GNA15: variants seen among roughly 807,000 people sequenced by gnomAD.
GNA15 encodes G protein subunit alpha 15.
Under a neutral mutation model 40.1 loss-of-function variants are expected in GNA15, and 23 were observed. The observed-to-expected ratio is 0.57, with a 90% CI of 0.41 to 0.81. The LOEUF is 0.81. Ranked by LOEUF, GNA15 falls within the 40% of genes least tolerant of loss-of-function variation. GNA15 has a pLI of 0.00. For missense variants in GNA15, 522 were observed against 515.8 expected (o/e 1.01, Z -0.12); for synonymous variants, 226 against 210.4 (o/e 1.07, Z -0.64).
Position 3,155,836 on chromosome 19 carries a change from G to T in GNA15, c.628G>T (p.Gly210Trp). 6.2e-7 allele frequency: 1 copy of T among 1,612,962 alleles called. No individual in the cohort carries two copies. Among genetic ancestry groups the T allele is most frequent in the Non-Finnish European group, 8.5e-7 (1 of 1,179,782 alleles). ...GGTTCCCTGTAGGATCGTGGACGTC[G>T]GGGGCCAGAAGTCAGAGCGTAAGAA... ...QKTNLRIVDV[G>W]GQKSERKKWI... is the part of the protein sequence containing the mutation. Residue 210 changes from glycine to tryptophan, a missense_variant, in exon 5 of 7, where the codon GGG becomes TGG. Gly to Trp is a radical substitution (Grantham distance 184). Coordinates refer to ENST00000262958, the MANE Select transcript of GNA15 (RefSeq NM_002068.4). The surrounding 1 kb of genome is among the most constrained non-coding windows in gnomAD (Gnocchi z 5.6).
In GNA15 at chr19:3,145,359, A is replaced by ATATATATATAT; in HGVS notation, c.146-3231_146-3230insATATATATATT. Among the ~76,000 whole-genome samples, 284 of 46,940 alleles carry ATATATATATAT rather than the reference A, an allele frequency of 6.1e-3. 6 individuals are homozygous for ATATATATATAT. The highest frequency in any genetic ancestry group is 0.016 in the African/African-American group (169 of 10,896). 30.8% of individuals were successfully genotyped at this position (46,940 alleles called of 152,430 possible). ...TAAATATATATATATATATATATAT[A>ATATATATATAT]TTTTTTTTTTTTTGTAGAGATGGGG... is the stretch of plus-strand genomic sequence containing the variant. On this transcript the variant is annotated intron_variant, in intron 1 of 6. Transcript: ENST00000262958.
intron 2 of GNA15, chr19:3,149,871 C>T (rs937446164): frequency 1.2e-5 from 5 of 415,694 alleles, no homozygotes; most frequent in Non-Finnish European, 2.2e-5. Flanking sequence ...CATGCTCCCC[C>T]TGAGCCTGGG....
intron 6 of GNA15, 68 bp from the exon 7 acceptor site, chr19:3,162,725 G>A (rs1400283702): frequency 5.1e-6 from 5 of 988,248 alleles, no homozygotes; most frequent in Admixed American, 3.8e-5. Context: ...ACAGGGAAGA[G>A]GGTCTCCAGA....
intron 1 of GNA15, among the ~76,000 whole-genome samples, chr19:3,144,878 G>A (rs1352312114): frequency 1.2e-4 from 18 of 151,096 alleles, no homozygotes; most frequent in African/African-American, 3.9e-4. Flanking sequence ...ACCCAGGTTG[G>A]AGTGCAGTGG....
At chr19:3,161,855 A>G (rs1352440178) in intron 6 of GNA15, among the ~76,000 whole-genome samples, 1 of 151,964 alleles carries the variant, frequency 6.6e-6, no homozygotes, top group Non-Finnish European at 1.5e-5. Flanking sequence ...CAACATGGCA[A>G]AGCCCCATCT....
Position 3,155,972 on chromosome 19 carries a change from G to C in GNA15, c.744+20G>C, listed in dbSNP as rs751924684. The stretch of plus-strand genomic sequence containing the variant: ...CAGGAGGTGCGCCACCGCCTCCCTC[G>C]CCCTGCCCACTTGTTGGCCCAGGGA... On this transcript the variant is annotated intron_variant, in intron 5 of 6. Transcript: ENST00000262958. The surrounding 1 kb of genome is among the most constrained non-coding windows in gnomAD (Gnocchi z 5.6). 1.2e-6 allele frequency: 2 copies of C among 1,611,220 alleles called. No individual in the cohort carries two copies. The highest frequency in any genetic ancestry group is 1.7e-6 in the Non-Finnish European group (2 of 1,178,138).
Position 3,155,029 on chromosome 19 carries a change from C to G in GNA15, c.615-794C>G, listed in dbSNP as rs1310591970. On this transcript the variant is annotated intron_variant, in intron 4 of 6. Transcript: ENST00000262958. The surrounding 1 kb of genome is among the most constrained non-coding windows in gnomAD (Gnocchi z 5.6). Reference sequence around the variant, plus strand: ...CGACGGCTGCTTACCCTGTCTGGCTCTGGATGTGGGGTTTGAGGGACTCTG... The same window carrying G: ...CGACGGCTGCTTACCCTGTCTGGCTGTGGATGTGGGGTTTGAGGGACTCTG... The G allele has an allele frequency of 2.0e-5, 3 of 152,216 alleles. No individual in the cohort carries two copies. Among genetic ancestry groups the G allele is most frequent in the Non-Finnish European group, 2.9e-5 (2 of 68,066 alleles). 9.4% of individuals were successfully genotyped at this position (152,216 alleles called of 1,614,324 possible). A position where few individuals can be genotyped will look rare whatever the true frequency, so the allele number is the denominator to read the frequency against.
intron 1 of GNA15, chr19:3,142,545 G>A (rs189205824): frequency 1.3e-5 from 2 of 152,326 alleles, no homozygotes; most frequent in Admixed American, 1.3e-4. Context: ...AGATCTGAGA[G>A]TTGGAAGACA....
intron 2 of GNA15, 33 bp from the exon 3 acceptor site, chr19:3,150,098 G>A (rs201778905): frequency 1.9e-6 from 3 of 1,601,702 alleles, no homozygotes; most frequent in Non-Finnish European, 2.6e-6. Context: ...ACTCAGAAAG[G>A]CTACCCTAAC....
intron 6 of GNA15, among the ~76,000 whole-genome samples, chr19:3,159,059 C>G (rs1221775842): frequency 6.6e-6 from 1 of 152,032 alleles, no homozygotes; most frequent in African/African-American, 2.4e-5. Context: ...GAGTCTCGCT[C>G]TGCTGCCCAG....
At chr19:3,156,042 C>G in intron 5 of GNA15, 90 bp downstream of exon 5, 4 of 1,291,216 alleles carry the variant, frequency 3.1e-6, no homozygotes, top group Non-Finnish European at 4.4e-6. Flanking sequence ...GGAGGGATCC[C>G]TGCTCTTGAA....
At chr19:3,158,745 C>T (rs1915084204) in intron 6 of GNA15, among the ~76,000 whole-genome samples, 1 of 152,074 alleles carries the variant, frequency 6.6e-6, no homozygotes, top group Admixed American at 6.5e-5. Context: ...CCTTAGCCTC[C>T]CAAGTAGCTG....
chr19:3,153,589 G>C (rs1012425788), intron 4 of GNA15, among the ~76,000 whole-genome samples: 7 of 151,222 alleles, frequency 4.6e-5, no homozygotes, highest in Non-Finnish European at 7.4e-5. Flanking sequence ...GGGTGAATGA[G>C]TGGATGGATG....
intron 5 of GNA15, among the ~76,000 whole-genome samples, chr19:3,157,188 G>A (rs992506097): frequency 1.3e-5 from 2 of 151,908 alleles, no homozygotes; most frequent in Non-Finnish European, 2.9e-5. Context: ...TAGTAGAAAC[G>A]GGGTTTCACC....
intron 5 of GNA15, among the ~76,000 whole-genome samples, chr19:3,157,214 G>A (rs951646557): frequency 1.1e-4 from 17 of 151,940 alleles, no homozygotes; most frequent in African/African-American, 4.1e-4. Flanking sequence ...AGCCAGGCTG[G>A]TCTCCAACTC....
rs141059166 is a variant in GNA15 at position 3,157,730 on chromosome 19, C to T, written c.747C>T (p.Asn249=). ...ACCTGCTTCTGCCCCCAACACAGAA[C>T]CGCATGAAGGAGAGCCTCGCATTGT... The part of the protein sequence containing the change: ...DQCLEENNQE[N]RMKESLALFG... The change falls in exon 6 of 7, where the codon AAC becomes AAT. Residue 249 remains asparagine, a splice_region_variant and synonymous_variant. Coordinates refer to ENST00000262958, the MANE Select transcript of GNA15 (RefSeq NM_002068.4). 3.8e-4 allele frequency: 618 copies of T among 1,613,712 alleles called. 2 individuals carry two copies. The highest frequency in any genetic ancestry group is 1.7e-4 in the Non-Finnish European group (195 of 1,179,642).
intron 5 of GNA15, 117 bp from the exon 6 acceptor site, chr19:3,157,611 C>T (rs1024475278): frequency 1.1e-5 from 9 of 830,912 alleles, no homozygotes; most frequent in Non-Finnish European, 1.6e-5. Context: ...CAGCCCCAGC[C>T]AGGCAGATAG....
intron 1 of GNA15, among the ~76,000 whole-genome samples, chr19:3,139,431 A>T (rs1180084554): frequency 1.3e-5 from 2 of 151,944 alleles, no homozygotes; most frequent in African/African-American, 4.8e-5. Flanking sequence ...TAAAAAAAAT[A>T]AATAAATAAA....
chr19:3,156,470 A>G (rs80179767), intron 5 of GNA15, among the ~76,000 whole-genome samples: 2,270 of 123,588 alleles, frequency 0.018, 47 homozygotes, highest in African/African-American at 0.07. Flanking sequence ...ACACACAGGC[A>G]CACACACGCA....
Sources: gnomAD v4.1 joint callset for allele counts (sites outside exome capture counted in the v4.1 genomes callset) on GRCh38, gnomAD v4.1.1 for gene constraint, Gnocchi (gnomAD v3.1) non-coding constraint, MANE v1.5 for transcripts, NCBI Gene and HGNC (gene_info 2026-07-23, HGNC 2026-07-21) for gene names.